Variants in LHFPL4 observed in about 807,000 individuals in gnomAD.
LHFPL4 encodes the protein LHFPL tetraspan subfamily member 4 protein.
LHFPL4 carries 6 observed loss-of-function variants against 20.0 expected under a neutral mutation model. The ratio of observed to expected loss-of-function variants is 0.30; its 90% confidence interval spans 0.16 to 0.59. LHFPL4 has a LOEUF of 0.59. LHFPL4 is among the 20% of genes least tolerant of loss of function. The probability of loss-of-function intolerance (pLI) is 0.88; values close to 1 mark genes in which losing one functional copy is unlikely to be tolerated. For synonymous variants in LHFPL4, 129 were observed against 143.8 expected (o/e 0.90, Z 0.74); for missense variants, 215 against 331.2 (o/e 0.65, Z 2.72).
At chr3:9,552,230 T>A in intron 2 of LHFPL4, 44 bp downstream of exon 2, 3 of 1,547,492 alleles carry the variant, frequency 1.9e-6, no homozygotes, top group Non-Finnish European at 2.6e-6. Context: ...AGGAGCCCCG[T>A]CCCTGGCGCT....
At position 9,499,856 on chromosome 3, in the gene LHFPL4, G is replaced by T. The variant is rs2046158100; in HGVS notation, c.*2355C>A. 6.6e-6 allele frequency: 1 copy of T among 151,320 alleles called. No individual in the cohort carries two copies. The highest frequency in any genetic ancestry group is 2.1e-4 in the South Asian group (1 of 4,760). 9.4% of individuals were successfully genotyped at this position (151,320 alleles called of 1,614,324 possible). On this transcript the variant is annotated 3_prime_UTR_variant, in exon 4 of 4. Transcript: ENST00000287585. ...CCCCTCCCCACTGCCCCGCATCCTG[G>T]CTCCTTCATCCTCCTCTCCTTCCTC...
At chr3:9,546,259 G>A (rs1213164473) in intron 2 of LHFPL4, among the ~76,000 whole-genome samples, 1 of 145,350 alleles carries the variant, frequency 6.9e-6, no homozygotes. Flanking sequence ...AGATTGCAGT[G>A]AGCTGAGATC....
intron 2 of LHFPL4, among the ~76,000 whole-genome samples, chr3:9,540,021 C>T (rs530734196): frequency 7.2e-5 from 11 of 152,214 alleles, no homozygotes; most frequent in South Asian, 6.2e-4. Flanking sequence ...CTTTGTACAA[C>T]GTCTGTGAAG....
chr3:9,552,085 C>A (rs2046558692), intron 2 of LHFPL4, among the ~76,000 whole-genome samples, 189 bp downstream of exon 2: 1 of 151,994 alleles, frequency 6.6e-6, no homozygotes, highest in Admixed American at 6.6e-5. Flanking sequence ...AGGCTCTGTC[C>A]CCTGCCCTAA....
chr3:9,526,982 T>C (rs1296894571), intron 2 of LHFPL4, among the ~76,000 whole-genome samples: 2 of 151,750 alleles, frequency 1.3e-5, no homozygotes, highest in East Asian at 3.9e-4. Flanking sequence ...AAATTTCATG[T>C]ACATGTATTT....
chr3:9,542,573 G>A (rs968120117), intron 2 of LHFPL4, among the ~76,000 whole-genome samples: 8 of 151,992 alleles, frequency 5.3e-5, no homozygotes, highest in East Asian at 1.9e-4. Context: ...TTGGGAGATC[G>A]AGGTGGAAGG....
chr3:9,547,247 C>T (rs1307863402), intron 2 of LHFPL4, among the ~76,000 whole-genome samples: 6 of 152,210 alleles, frequency 3.9e-5, no homozygotes, highest in Admixed American at 6.5e-5. Context: ...CCTCAGCCTT[C>T]GAAAATGCTG....
intron 2 of LHFPL4, among the ~76,000 whole-genome samples, chr3:9,533,600 A>ACGG (rs2046425056): frequency 6.6e-6 from 1 of 152,098 alleles, no homozygotes; most frequent in Non-Finnish European, 1.5e-5. Context: ...GGCTAACATG[A>ACGG]TGAAACCCCG....
At chr3:9,552,118 C>A (rs2046558992) in intron 2 of LHFPL4, among the ~76,000 whole-genome samples, 156 bp downstream of exon 2, 1 of 152,132 alleles carries the variant, frequency 6.6e-6, no homozygotes, top group African/African-American at 2.4e-5. Context: ...CAGCGTACCC[C>A]CTCCCCAATA....
Position 9,552,687 on chromosome 3 carries a change from G to A in LHFPL4, c.-8C>T. 3 of 1,404,310 alleles carry A rather than the reference G, an allele frequency of 2.1e-6. No individual in the cohort carries two copies. The highest frequency in any genetic ancestry group is 2.8e-6 in the Non-Finnish European group (3 of 1,071,510). The allele number at this position is 1,404,310 out of a possible 1,614,324, so 87.0% of individuals were successfully genotyped here. ...CTCCTGCGAGGGCAGCATGGTGCCC[G>A]GAGGCGGGGCCGGCGGCGGCGGCGG... On this transcript the variant is annotated 5_prime_UTR_variant, in exon 2 of 4. Coordinates refer to ENST00000287585, the MANE Select transcript of LHFPL4 (RefSeq NM_198560.3).
intron 2 of LHFPL4, among the ~76,000 whole-genome samples, chr3:9,546,944 G>A (rs574350059): frequency 3.4e-4 from 52 of 152,330 alleles, no homozygotes; most frequent in African/African-American, 1.2e-3. Context: ...AAGGCCCACA[G>A]TTGGAAAGTG....
intron 3 of LHFPL4, among the ~76,000 whole-genome samples, chr3:9,504,530 A>AC (rs2046202349): frequency 1.3e-5 from 2 of 152,094 alleles, no homozygotes; most frequent in Admixed American, 1.3e-4. Flanking sequence ...CTTTTTAAAA[A>AC]AATATACTGC....
chr3:9,522,145 A>T (rs2046341614), intron 2 of LHFPL4, among the ~76,000 whole-genome samples: 2 of 151,494 alleles, frequency 1.3e-5, no homozygotes. Context: ...CAGGCAGTAC[A>T]AGTACCTTAT....
At chr3:9,509,015 G>T (rs1203242434) in intron 2 of LHFPL4, among the ~76,000 whole-genome samples, 2 of 152,160 alleles carry the variant, frequency 1.3e-5, no homozygotes, top group African/African-American at 4.8e-5. Context: ...CTCCCGCCAG[G>T]AGCATCCCCG....
At chr3:9,509,183 C>G (rs2046240681) in intron 2 of LHFPL4, among the ~76,000 whole-genome samples, 1 of 152,038 alleles carries the variant, frequency 6.6e-6, no homozygotes, top group Non-Finnish European at 1.5e-5. Context: ...CTCTGTCTCT[C>G]TCTTTCATTC....
At position 9,501,935 on chromosome 3, in the gene LHFPL4, G is replaced by T; in HGVS notation, c.*276C>A. Reference sequence around the variant, plus strand: ...GGGACCTCCAGGCCAGTCTAGAGAGGAGAGGAGAAGCCCAAGGGCCTACGC... The same window carrying T: ...GGGACCTCCAGGCCAGTCTAGAGAGTAGAGGAGAAGCCCAAGGGCCTACGC... On this transcript the variant is annotated 3_prime_UTR_variant, in exon 4 of 4. Coordinates refer to ENST00000287585, the MANE Select transcript of LHFPL4 (RefSeq NM_198560.3). The T allele has an allele frequency of 2.2e-6, 1 of 464,462 alleles. No individual in the cohort carries two copies. The highest frequency in any genetic ancestry group is 3.4e-5 in the Admixed American group (1 of 29,274). 28.8% of individuals were successfully genotyped at this position (464,462 alleles called of 1,614,324 possible).
intron 3 of LHFPL4, 109 bp from the exon 4 acceptor site, chr3:9,502,420 G>A: frequency 1.3e-6 from 1 of 796,818 alleles, no homozygotes. Flanking sequence ...TGGGCAGAGG[G>A]GCCGGGCGCG....
Position 9,505,140 on chromosome 3 carries a change from C to T in LHFPL4, c.643+827G>A, listed in dbSNP as rs530194997. Among the ~76,000 whole-genome samples the T allele has an allele frequency of 2.0e-5, 3 of 152,322 alleles. 1 individual carries two copies. The highest frequency in any genetic ancestry group is 7.2e-5 in the African/African-American group (3 of 41,580). ...AGCTGCAGCCACCAGCGCCCTTGAACGCTTCTCATGGGTTTGTACCCGAGG... is the reference window on the plus strand; with the variant it reads ...AGCTGCAGCCACCAGCGCCCTTGAATGCTTCTCATGGGTTTGTACCCGAGG... On this transcript the variant is annotated intron_variant, in intron 3 of 3. Transcript: ENST00000287585.
chr3:9,532,722 T>C (rs2046417961), intron 2 of LHFPL4, among the ~76,000 whole-genome samples: 1 of 152,214 alleles, frequency 6.6e-6, no homozygotes, highest in African/African-American at 2.4e-5. Context: ...GTTGCCCCTC[T>C]GTGCATGACT....
Sources: allele counts gnomAD v4.1 joint callset (sites outside exome capture counted in the v4.1 genomes callset), GRCh38; gene constraint gnomAD v4.1.1; transcripts MANE v1.5; gene names NCBI Gene and HGNC (gene_info 2026-07-23, HGNC 2026-07-21).